The following SEMA3A variants were observed in gnomAD, a reference collection of about 807,000 sequenced individuals.
SEMA3A encodes semaphorin 3A.
SEMA3A carries 29 observed loss-of-function variants against 97.9 expected under a neutral mutation model. That is an observed-to-expected ratio of 0.30 (90% CI 0.22 to 0.40). The LOEUF (loss-of-function observed/expected upper bound fraction) is 0.40, where lower values mean the gene tolerates loss of function less well. SEMA3A is among the 10% of genes least tolerant of loss of function. The pLI, the probability that SEMA3A is intolerant of heterozygous loss-of-function variation, is 1.00. For missense variants in SEMA3A, 763 were observed against 951.3 expected (o/e 0.80, Z 2.60); for synonymous variants, 321 against 323.7 (o/e 0.99, Z 0.09).
intron 1 of SEMA3A, among the ~76,000 whole-genome samples, chr7:84,430,789 T>TTGTGTGTGTGTGTGTG (rs56814153): frequency 6.3e-5 from 9 of 143,432 alleles, no homozygotes; most frequent in African/African-American, 2.3e-4. Flanking sequence ...AACATAAAAT[T>TTGTGTGTGTGTGTGTG]TGTGTGTGTG....
chr7:84,422,165 T>C (rs1043186993), intron 1 of SEMA3A, among the ~76,000 whole-genome samples: 1 of 152,086 alleles, frequency 6.6e-6, no homozygotes, highest in Non-Finnish European at 1.5e-5. Flanking sequence ...TTTTGGTTGG[T>C]AGGCTATTAA....
At chr7:83,972,066 T>TATATACAC (rs1382605739) in intron 15 of SEMA3A, among the ~76,000 whole-genome samples, 1 of 152,054 alleles carries the variant, frequency 6.6e-6, no homozygotes, top group African/African-American at 2.4e-5. Context: ...CACATACATA[T>TATATACAC]ATATACACAT....
chr7:84,061,895 A>C (rs912058911), intron 4 of SEMA3A, among the ~76,000 whole-genome samples: 9 of 152,140 alleles, frequency 5.9e-5, no homozygotes, highest in African/African-American at 2.2e-4. Flanking sequence ...TAAAATCTAT[A>C]CTGTGAAATA....
intron 14 of SEMA3A, among the ~76,000 whole-genome samples, chr7:83,980,241 CA>C (rs1789335864): frequency 6.6e-6 from 1 of 151,888 alleles, no homozygotes; most frequent in African/African-American, 2.4e-5. Context: ...GTTATCTTAG[CA>C]ACTTTTATTC....
chr7:84,471,944 G>A (rs1223170421), intron 1 of SEMA3A, among the ~76,000 whole-genome samples: 1 of 150,268 alleles, frequency 6.7e-6, no homozygotes, highest in Non-Finnish European at 1.5e-5. Flanking sequence ...TTTTCTTTTG[G>A]TATCTTAGGT....
In SEMA3A at chr7:84,086,853, C is replaced by G. The variant is rs182223734; in HGVS notation, c.453+23617G>C. Among the ~76,000 whole-genome samples the G allele has an allele frequency of 2.9e-3, 436 of 151,492 alleles. 2 individuals are homozygous for G. The highest frequency in any genetic ancestry group is 0.01 in the African/African-American group (425 of 41,304). ...TGCTCTATCCTTCTTTACCCAATTA[C>G]TTCATCACATACTCCACTAAACTTT... On this transcript the variant is annotated intron_variant, in intron 4 of 16. Transcript: ENST00000265362.
rs572587883 is a variant in SEMA3A, at chr7:83,958,470, T to G, written c.*2901A>C. The G allele has an allele frequency of 6.6e-6, 1 of 152,594 alleles. No homozygotes were observed. Among genetic ancestry groups the G allele is most frequent in the East Asian group, 1.9e-4 (1 of 5,176 alleles). The allele number at this position is 152,594 out of a possible 1,614,324, so 9.5% of individuals were successfully genotyped here. ...TCTGAAATGCAATGATAAGTAAAGA[T>G]ATGGAACATATTTCCTACCTGGCAA... On this transcript the variant is annotated 3_prime_UTR_variant, in exon 17 of 17. Coordinates refer to ENST00000265362, the MANE Select transcript of SEMA3A (RefSeq NM_006080.3).
At chr7:84,222,818 C>T (rs1275198375) in intron 3 of SEMA3A, among the ~76,000 whole-genome samples, 1 of 151,802 alleles carries the variant, frequency 6.6e-6, no homozygotes, top group East Asian at 1.9e-4. Context: ...GGCAACGGTT[C>T]TCAAATTTTG....
chr7:83,975,956 C>T (rs569866438), intron 15 of SEMA3A, among the ~76,000 whole-genome samples: 1 of 152,260 alleles, frequency 6.6e-6, no homozygotes, highest in South Asian at 2.1e-4. Context: ...GTAACATTTA[C>T]TCCAGTTTTG....
intron 1 of SEMA3A, among the ~76,000 whole-genome samples, chr7:84,402,863 A>C (rs984746542): frequency 9.2e-5 from 14 of 152,178 alleles, no homozygotes; most frequent in African/African-American, 2.9e-4. Flanking sequence ...GGCTAAAACA[A>C]TTGACTTTAT....
chr7:84,202,147 G>T (rs1798372793), intron 3 of SEMA3A, among the ~76,000 whole-genome samples: 1 of 152,008 alleles, frequency 6.6e-6, no homozygotes, highest in Non-Finnish European at 1.5e-5. Flanking sequence ...TGATATTTTT[G>T]ATAGAATTGT....
intron 7 of SEMA3A, among the ~76,000 whole-genome samples, chr7:84,012,777 G>T (rs951159529): frequency 6.6e-6 from 1 of 152,106 alleles, no homozygotes; most frequent in Non-Finnish European, 1.5e-5. Flanking sequence ...TACTATTGAG[G>T]TATGTGTTTA....
At chr7:83,999,114 G>A (rs1790336324) in intron 12 of SEMA3A, among the ~76,000 whole-genome samples, 1 of 152,128 alleles carries the variant, frequency 6.6e-6, no homozygotes, top group African/African-American at 2.4e-5. Flanking sequence ...TTAGGCAATA[G>A]GAAATTTTAG....
chr7:84,373,083 A>G (rs1391222817), intron 1 of SEMA3A, among the ~76,000 whole-genome samples: 1 of 152,180 alleles, frequency 6.6e-6, no homozygotes, highest in African/African-American at 2.4e-5. Flanking sequence ...CACTGGTTTC[A>G]AAAGAATGAT....
intron 1 of SEMA3A, among the ~76,000 whole-genome samples, chr7:84,376,169 CTT>C (rs1803092120): frequency 6.6e-6 from 1 of 152,168 alleles, no homozygotes; most frequent in South Asian, 2.1e-4. Flanking sequence ...ATGCAGACAT[CTT>C]TTTGACATAC....
At chr7:84,313,388 ATATATATATATATATAT>A (rs1801408827) in intron 2 of SEMA3A, among the ~76,000 whole-genome samples, 3 of 100,416 alleles carry the variant, frequency 3.0e-5, no homozygotes, top group African/African-American at 1.0e-4. Context: ...ATATATATAT[ATATATATATATATATAT>A]AAACTATACG....
intron 1 of SEMA3A, among the ~76,000 whole-genome samples, chr7:84,449,389 G>A (rs868748026): frequency 1.3e-5 from 2 of 151,988 alleles, no homozygotes; most frequent in South Asian, 4.1e-4. Context: ...GACAAACATA[G>A]AGAACAATCA....
chr7:84,060,438 C>G (rs1378436324), intron 5 of SEMA3A, 27 bp downstream of exon 5: 12 of 1,405,660 alleles, frequency 8.5e-6, no homozygotes, highest in South Asian at 1.3e-5. Flanking sequence ...AGAAAACTCA[C>G]TATTTAATTG....
rs949890833 is a variant in SEMA3A at position 84,273,264 on chromosome 7, G to A, written c.-83+33943C>T. Reference sequence around the variant, plus strand: ...GTATTCACCTCAAGGCCAACCACATGCTAGGAATAGAAATATATCAGCAAC... The same window carrying A: ...GTATTCACCTCAAGGCCAACCACATACTAGGAATAGAAATATATCAGCAAC... On this transcript the variant is annotated intron_variant, in intron 3 of 3. Coordinates refer to the SEMA3A transcript ENST00000424555. 2.1e-4 allele frequency among the ~76,000 whole-genome samples: 32 copies of A among 152,012 alleles called. 1 individual carries two copies. Among genetic ancestry groups the A allele is most frequent in the Non-Finnish European group, 4.4e-5 (3 of 67,980 alleles).
Sources: gnomAD v4.1 joint callset for allele counts (sites outside exome capture counted in the v4.1 genomes callset) on GRCh38, gnomAD v4.1.1 for gene constraint, MANE v1.5 for transcripts, NCBI Gene and HGNC (gene_info 2026-07-23, HGNC 2026-07-21) for gene names.